The following LRP1B variants were observed in gnomAD, a reference collection of about 807,000 sequenced individuals.
LRP1B encodes low-density lipoprotein receptor-related protein 1B.
LRP1B carries 217 observed loss-of-function variants against 556.6 expected under a neutral mutation model. The ratio of observed to expected loss-of-function variants is 0.39; its 90% CI spans 0.35 to 0.44. LRP1B has a LOEUF of 0.44. Ranked by LOEUF, LRP1B falls within the 20% of genes least tolerant of loss-of-function variation. The pLI is 1.00. For missense variants in LRP1B, 5,053 were observed against 5,620.8 expected (o/e 0.90, Z 3.23); for synonymous variants, 2,047 against 1,865.8 (o/e 1.10, Z -2.50).
chr2:141,017,632 TGA>T (rs1320254015), intron 12 of LRP1B, among the ~76,000 whole-genome samples: 2 of 145,904 alleles, frequency 1.4e-5, no homozygotes, highest in East Asian at 2.2e-4. Context: ...AATGCCAATC[TGA>T]GAGAGGTTAC....
intron 1 of LRP1B, among the ~76,000 whole-genome samples, chr2:141,895,242 A>G (rs1163287928): frequency 6.6e-6 from 1 of 152,098 alleles, no homozygotes; most frequent in Non-Finnish European, 1.5e-5. Flanking sequence ...TAGTAGTTGG[A>G]GCCAATGTGA....
chr2:140,522,789 T>C (rs1601482), intron 49 of LRP1B, among the ~76,000 whole-genome samples: 141,903 of 151,992 alleles, frequency 0.93, 66,971 homozygotes, highest in East Asian at 1. Context: ...ACTCTAAAAT[T>C]TAGAGAAAAT....
At position 140,872,261 on chromosome 2, in the gene LRP1B, C is replaced by T. The variant is rs547105322; in HGVS notation, c.4170-3998G>A. On this transcript the variant is annotated intron_variant, in intron 25 of 90. Coordinates refer to ENST00000389484, the MANE Select transcript of LRP1B (RefSeq NM_018557.3). Reference sequence around the variant, plus strand: ...ACAGAGAAGGCACCAGGCTCCCTTTCGGGGAAAACCGTCTGTTTTTCCTTA... The same window carrying T: ...ACAGAGAAGGCACCAGGCTCCCTTTTGGGGAAAACCGTCTGTTTTTCCTTA... Among the ~76,000 whole-genome samples, 41 of 149,984 alleles carry T rather than the reference C, an allele frequency of 2.7e-4. 1 individual carries two copies. In the South Asian group the frequency reaches 6.1e-3, roughly 22 times the overall value.
At chr2:140,448,098 A>G (rs1408440842) in intron 63 of LRP1B, among the ~76,000 whole-genome samples, 6 of 152,116 alleles carry the variant, frequency 3.9e-5, no homozygotes, top group Non-Finnish European at 8.8e-5. Flanking sequence ...TAGTGTGAGA[A>G]TTACCACATT....
intron 31 of LRP1B, 79 bp downstream of exon 31, chr2:140,839,912 G>T: frequency 1.2e-6 from 1 of 826,552 alleles, no homozygotes; most frequent in South Asian, 1.6e-5. Context: ...TTTTCTTTCA[G>T]GATCTAGATC....
At chr2:141,861,384 A>G (rs1339828558) in intron 1 of LRP1B, among the ~76,000 whole-genome samples, 1 of 152,176 alleles carries the variant, frequency 6.6e-6, no homozygotes, top group East Asian at 1.9e-4. Context: ...TGACTTCCAT[A>G]TTTTGGCTGA....
At chr2:141,072,116 A>C (rs942997341) in intron 7 of LRP1B, among the ~76,000 whole-genome samples, 2 of 152,022 alleles carry the variant, frequency 1.3e-5, no homozygotes, top group African/African-American at 4.8e-5. Flanking sequence ...TCCTACCCCA[A>C]CCCTTCTGAT....
At chr2:141,285,380 C>A (rs1685670727) in intron 3 of LRP1B, among the ~76,000 whole-genome samples, 1 of 151,440 alleles carries the variant, frequency 6.6e-6, no homozygotes, top group African/African-American at 2.4e-5. Flanking sequence ...AGCTACCACG[C>A]CTGGCCTCTT....
chr2:140,957,440 C>T (rs1010767964), intron 18 of LRP1B, among the ~76,000 whole-genome samples: 1 of 151,186 alleles, frequency 6.6e-6, no homozygotes, highest in Non-Finnish European at 1.5e-5. Flanking sequence ...ATTTAAATGA[C>T]AAAGTATTAG....
intron 3 of LRP1B, among the ~76,000 whole-genome samples, chr2:141,456,102 C>T (rs1681618481): frequency 6.6e-6 from 1 of 152,210 alleles, no homozygotes; most frequent in Admixed American, 6.5e-5. Context: ...CTGCTGCATC[C>T]ATGGCTTTAG....
At chr2:142,074,045 T>C (rs923856824) in intron 1 of LRP1B, among the ~76,000 whole-genome samples, 1 of 152,024 alleles carries the variant, frequency 6.6e-6, no homozygotes, top group African/African-American at 2.4e-5. Context: ...TGGACTAATA[T>C]ACCATCTCTT....
intron 51 of LRP1B, among the ~76,000 whole-genome samples, chr2:140,513,083 A>T (rs1003326520): frequency 6.6e-6 from 1 of 152,148 alleles, no homozygotes; most frequent in South Asian, 2.1e-4. Context: ...GAGGCAGGAG[A>T]AATAAAATCA....
chr2:141,817,243 A>G (rs1287032707), intron 1 of LRP1B, among the ~76,000 whole-genome samples: 1 of 152,170 alleles, frequency 6.6e-6, no homozygotes, highest in East Asian at 1.9e-4. Flanking sequence ...TTTACACTGT[A>G]ATTAAAACAA....
At chr2:140,286,350 G>A (rs1683151931) in intron 84 of LRP1B, among the ~76,000 whole-genome samples, 2 of 151,840 alleles carry the variant, frequency 1.3e-5, no homozygotes, top group African/African-American at 4.8e-5. Context: ...AGGAGTAAAA[G>A]AGGGAGACTG....
At chr2:142,086,222 A>C (rs1705916438) in intron 1 of LRP1B, among the ~76,000 whole-genome samples, 1 of 152,182 alleles carries the variant, frequency 6.6e-6, no homozygotes, top group African/African-American at 2.4e-5. Context: ...AAAAGAGGCA[A>C]GTTAGTCCTT....
intron 1 of LRP1B, among the ~76,000 whole-genome samples, chr2:141,906,573 C>G (rs1558952857): frequency 6.6e-6 from 1 of 152,028 alleles, no homozygotes; most frequent in South Asian, 2.1e-4. Flanking sequence ...AAATAGAAAT[C>G]TACCTCAGAA....
chr2:140,962,292 C>A (rs1010753186), intron 18 of LRP1B, among the ~76,000 whole-genome samples: 9 of 152,114 alleles, frequency 5.9e-5, no homozygotes, highest in African/African-American at 1.4e-4. Context: ...ACACCACAAC[C>A]ACTATCCCCC....
intron 7 of LRP1B, among the ~76,000 whole-genome samples, chr2:141,122,705 A>T (rs1182786751): frequency 6.6e-6 from 1 of 152,190 alleles, no homozygotes; most frequent in Non-Finnish European, 1.5e-5. Flanking sequence ...TTCCTCAAGG[A>T]TCTAGAACTA....
chr2:141,594,007 T>C (rs867139811), intron 2 of LRP1B, among the ~76,000 whole-genome samples: 1 of 152,150 alleles, frequency 6.6e-6, no homozygotes, highest in South Asian at 2.1e-4. Flanking sequence ...CTTTTTTATA[T>C]TTATATACCC....
Sources: allele counts gnomAD v4.1 joint callset (sites outside exome capture counted in the v4.1 genomes callset), GRCh38; gene constraint gnomAD v4.1.1; transcripts MANE v1.5; gene names NCBI Gene and HGNC (gene_info 2026-07-23, HGNC 2026-07-21).